The following LNX2 variants were observed in gnomAD, a reference collection of about 807,000 sequenced individuals.
LNX2 encodes the protein ligand of Numb protein X 2.
LNX2 carries 35 observed loss-of-function variants against 66.2 expected under a neutral mutation model. That is an observed-to-expected ratio of 0.53 (90% CI 0.40 to 0.70). LNX2 has a LOEUF of 0.70. LNX2 is among the 30% of genes least tolerant of loss of function. The pLI, the probability that LNX2 is intolerant of heterozygous loss-of-function variation, is 0.00. For missense variants in LNX2, 791 were observed against 850.8 expected, an observed-to-expected ratio of 0.93 and a Z score of 0.87; for synonymous variants, 337 against 315.6, an observed-to-expected ratio of 1.07 and a Z score of -0.72.
intron 1 of LNX2, among the ~76,000 whole-genome samples, chr13:27,585,573 C>T (rs370353418): frequency 7.2e-4 from 110 of 152,244 alleles, no homozygotes; most frequent in African/African-American, 2.2e-3. Flanking sequence ...CTTTGAGCAT[C>T]GTAACTTTTA....
At chr13:27,601,899 T>C (rs544383234) in intron 1 of LNX2, among the ~76,000 whole-genome samples, 2 of 152,236 alleles carry the variant, frequency 1.3e-5, no homozygotes, top group South Asian at 4.1e-4. Flanking sequence ...ACTAAAAAGT[T>C]CAACATTTTC....
chr13:27,604,251 T>C (rs139703939), intron 1 of LNX2, among the ~76,000 whole-genome samples: 16 of 152,240 alleles, frequency 1.1e-4, no homozygotes, highest in African/African-American at 3.9e-4. Flanking sequence ...GTCTCAAAAA[T>C]CACAGTATAA....
chr13:27,608,394 C>A lies in LNX2; in HGVS notation c.-101+11981G>T, dbSNP rs563728376. On this transcript the variant is annotated intron_variant, in intron 1 of 9. Coordinates refer to ENST00000316334, the MANE Select transcript of LNX2 (RefSeq NM_153371.4). Reference sequence around the variant, plus strand: ...CCCAAATATCTAGAATGGTACACAGCACAGAATAGGCATTCAAATATTTGT... The same window carrying A: ...CCCAAATATCTAGAATGGTACACAGAACAGAATAGGCATTCAAATATTTGT... 3.3e-5 allele frequency among the ~76,000 whole-genome samples: 5 copies of A among 152,190 alleles called. No individual in the cohort carries two copies. In the East Asian group the frequency reaches 9.6e-4, roughly 29 times the overall value.
At chr13:27,584,571 A>T (rs1955462272) in intron 1 of LNX2, among the ~76,000 whole-genome samples, 1 of 152,098 alleles carries the variant, frequency 6.6e-6, no homozygotes, top group South Asian at 2.1e-4. Flanking sequence ...CTGTAGTCCC[A>T]GTTAATTGGG....
intron 1 of LNX2, among the ~76,000 whole-genome samples, chr13:27,607,449 A>G (rs1955729571): frequency 6.6e-6 from 1 of 152,244 alleles, no homozygotes; most frequent in Non-Finnish European, 1.5e-5. Flanking sequence ...AGTTCTTTAT[A>G]AGGTAACACA....
intron 3 of LNX2, 59 bp downstream of exon 3, chr13:27,568,970 C>G (rs1955240499): frequency 6.1e-6 from 9 of 1,479,148 alleles, no homozygotes; most frequent in African/African-American, 1.5e-5. Flanking sequence ...ACATGTTGGG[C>G]AAGTAGTGGG....
At chr13:27,603,867 C>G (rs1035668512) in intron 1 of LNX2, among the ~76,000 whole-genome samples, 2 of 151,704 alleles carry the variant, frequency 1.3e-5, no homozygotes, top group African/African-American at 4.9e-5. Flanking sequence ...AGATGTCCAA[C>G]TACCATTTTA....
intron 1 of LNX2, among the ~76,000 whole-genome samples, chr13:27,613,249 C>G (rs1955791733): frequency 6.6e-6 from 1 of 151,802 alleles, no homozygotes; most frequent in African/African-American, 2.4e-5. Flanking sequence ...AGACGCTCTG[C>G]AAGGCCAAAA....
At chr13:27,575,344 C>T (rs970425241) in intron 2 of LNX2, among the ~76,000 whole-genome samples, 2 of 152,026 alleles carry the variant, frequency 1.3e-5, no homozygotes, top group Non-Finnish European at 2.9e-5. Flanking sequence ...ACTGAGTGGG[C>T]CATGGGGTAT....
intron 1 of LNX2, among the ~76,000 whole-genome samples, chr13:27,620,080 C>T (rs1293937742): frequency 6.6e-6 from 1 of 152,192 alleles, no homozygotes. Context: ...TGGCCGGAAC[C>T]AGCAAACGCT....
intron 1 of LNX2, among the ~76,000 whole-genome samples, chr13:27,596,482 T>C (rs1955600273): frequency 1.3e-5 from 2 of 152,174 alleles, no homozygotes; most frequent in Non-Finnish European, 2.9e-5. Context: ...GAAAAGATGG[T>C]GAACAGGAAA....
intron 1 of LNX2, among the ~76,000 whole-genome samples, chr13:27,604,654 G>A (rs1037682258): frequency 5.3e-5 from 8 of 151,816 alleles, no homozygotes; most frequent in African/African-American, 1.9e-4. Context: ...ATTACCAAAT[G>A]TTCTACCATT....
intron 1 of LNX2, among the ~76,000 whole-genome samples, chr13:27,607,482 G>A (rs567662019): frequency 1.3e-5 from 2 of 152,286 alleles, no homozygotes; most frequent in African/African-American, 2.4e-5. Flanking sequence ...TAAACAAGGC[G>A]TGAAAAACTT....
chr13:27,614,341 T>C (rs1593268048), intron 1 of LNX2, among the ~76,000 whole-genome samples: 1 of 152,164 alleles, frequency 6.6e-6, no homozygotes. Flanking sequence ...CCTTTTGAGA[T>C]ATCTGTTCAG....
chr13:27,557,321 C>G (rs1256116611), intron 6 of LNX2, among the ~76,000 whole-genome samples: 1 of 151,838 alleles, frequency 6.6e-6, no homozygotes, highest in Non-Finnish European at 1.5e-5. Context: ...GTAACTTGTC[C>G]TGAATCATGT....
intron 1 of LNX2, among the ~76,000 whole-genome samples, chr13:27,609,413 C>T (rs1163037570): frequency 6.6e-6 from 1 of 152,088 alleles, no homozygotes; most frequent in Non-Finnish European, 1.5e-5. Flanking sequence ...GCTTTGGCTT[C>T]CCAACGTGCT....
chr13:27,596,315 C>T (rs73446893), intron 1 of LNX2, among the ~76,000 whole-genome samples: 3,413 of 152,200 alleles, frequency 0.022, 135 homozygotes, highest in African/African-American at 0.077. Flanking sequence ...CCCATCAAAA[C>T]GTATACACAC....
In LNX2 at chr13:27,562,333, A is replaced by T. The variant is rs1259833662; in HGVS notation, c.1224+80T>A. The T allele has an allele frequency of 1.2e-5, 17 of 1,473,304 alleles. No homozygotes were observed. The South Asian group carries it at 1.8e-4, about 15-fold the overall frequency. 91.3% of individuals were successfully genotyped at this position (1,473,304 alleles called of 1,614,324 possible). A position where few individuals can be genotyped will look rare whatever the true frequency, so the allele number is the denominator to read the frequency against. ...AATATAAAATGTCCCCTGAATTCTG[A>T]TGTTATTGGCCAGTGAAAACAAATA... On this transcript the variant is annotated intron_variant, in intron 5 of 9. Transcript: ENST00000316334.
chr13:27,596,215 A>G (rs887958618), intron 1 of LNX2, among the ~76,000 whole-genome samples: 1 of 152,224 alleles, frequency 6.6e-6, no homozygotes, highest in Non-Finnish European at 1.5e-5. Flanking sequence ...AAAAATTAAG[A>G]AAAAGTTAGG....
Sources: allele counts gnomAD v4.1 joint callset (sites outside exome capture counted in the v4.1 genomes callset), GRCh38; gene constraint gnomAD v4.1.1; transcripts MANE v1.5; gene names NCBI Gene and HGNC (gene_info 2026-07-23, HGNC 2026-07-21).